BLTP3A: variants seen among roughly 807,000 people sequenced by gnomAD.
BLTP3A encodes ICBP90 binding protein 1.
At chr6:34,856,120 G>T in the BLTP3A span, 2 of 1,334,940 alleles carry the variant, frequency 1.5e-6, no homozygotes, top group Non-Finnish European at 1.0e-6. Flanking sequence ...TTATCCTAGA[G>T]ATTTCTGCAC....
At chr6:34,818,210 T>G in the BLTP3A span, among the ~76,000 whole-genome samples, 30 of 152,276 alleles carry the variant, frequency 2.0e-4, no homozygotes, top group Middle Eastern at 3.4e-3. Flanking sequence ...GGCTCACATC[T>G]GTAATGCCAG....
At chr6:34,856,345 T>C in the BLTP3A span, 2 of 1,614,148 alleles carry the variant, frequency 1.2e-6, no homozygotes, top group Admixed American at 1.7e-5. Context: ...AGAAGTGGCA[T>C]GAAGAGACGG....
chr6:34,816,596 G>A, the BLTP3A span, among the ~76,000 whole-genome samples: 1 of 152,154 alleles, frequency 6.6e-6, no homozygotes, highest in East Asian at 1.9e-4. Context: ...TTGGATGATA[G>A]AGTGAGACTG....
the BLTP3A span, chr6:34,859,697 A>C: frequency 1.4e-6 from 2 of 1,394,560 alleles, no homozygotes; most frequent in East Asian, 4.6e-5. Flanking sequence ...GAGAATGCAT[A>C]GAATGGCCTA....
the BLTP3A span, among the ~76,000 whole-genome samples, chr6:34,871,347 G>A: frequency 6.6e-6 from 1 of 152,142 alleles, no homozygotes; most frequent in Non-Finnish European, 1.5e-5. Flanking sequence ...AGGAGACCTT[G>A]TCTGTAACCC....
the BLTP3A span, among the ~76,000 whole-genome samples, chr6:34,844,416 A>T: frequency 6.6e-6 from 1 of 152,184 alleles, no homozygotes; most frequent in African/African-American, 2.4e-5. Context: ...CTGGGATTAC[A>T]GGCACTCGTG....
chr6:34,848,095 T>G, the BLTP3A span, among the ~76,000 whole-genome samples: 1 of 150,340 alleles, frequency 6.7e-6, no homozygotes, highest in Non-Finnish European at 1.5e-5. Flanking sequence ...AATTTTTTTT[T>G]TTTTTTGTAG....
the BLTP3A span, chr6:34,836,133 G>T: frequency 1.9e-6 from 3 of 1,607,156 alleles, no homozygotes; most frequent in South Asian, 2.2e-5. Flanking sequence ...TGGACTTCCT[G>T]TTTCTCTCTC....
At chr6:34,867,130 T>A in the BLTP3A span, 3 of 1,325,094 alleles carry the variant, frequency 2.3e-6, no homozygotes, top group Non-Finnish European at 3.0e-6. Flanking sequence ...GTCATAAGTA[T>A]TTTGTTTTAT....
At chr6:34,872,002 G>A in the BLTP3A span, 1 of 1,456,046 alleles carries the variant, frequency 6.9e-7, no homozygotes, top group Non-Finnish European at 9.4e-7. Context: ...CCCGGGGTTG[G>A]GGGGCAAAAA....
chr6:34,845,798 C>T, the BLTP3A span, among the ~76,000 whole-genome samples: 4 of 151,832 alleles, frequency 2.6e-5, no homozygotes, highest in Non-Finnish European at 5.9e-5. Flanking sequence ...GGGGTTTCAG[C>T]GTGTTAGCCA....
the BLTP3A span, among the ~76,000 whole-genome samples, chr6:34,814,048 G>A: frequency 1.4e-4 from 21 of 147,614 alleles, no homozygotes; most frequent in African/African-American, 3.5e-4. Flanking sequence ...ACAGAGTCTC[G>A]CTATGTCGCC....
At chr6:34,828,060 G>A in the BLTP3A span, among the ~76,000 whole-genome samples, 1 of 152,110 alleles carries the variant, frequency 6.6e-6, no homozygotes, top group Non-Finnish European at 1.5e-5. Context: ...CACATTATAT[G>A]TACTGTATAT....
chr6:34,874,798 T>C, the BLTP3A span: 1 of 152,238 alleles, frequency 6.6e-6, no homozygotes, highest in African/African-American at 2.4e-5. Flanking sequence ...AACAGCACTT[T>C]ATACAAAACC....
chr6:34,813,339 A>C, the BLTP3A span, among the ~76,000 whole-genome samples: 1 of 152,316 alleles, frequency 6.6e-6, no homozygotes, highest in African/African-American at 2.4e-5. Flanking sequence ...ATTTGGACTA[A>C]ACAATTATTT....
chr6:34,863,981 TTTG>T, the BLTP3A span: 28 of 1,567,626 alleles, frequency 1.8e-5, no homozygotes, highest in Middle Eastern at 1.8e-4. Flanking sequence ...ATTTGTGGTT[TTTG>T]TTTTTTTTTT....
chr6:34,836,309 G>T, the BLTP3A span: 1 of 1,614,040 alleles, frequency 6.2e-7, no homozygotes, highest in Non-Finnish European at 8.5e-7. Context: ...CTCCCGCCTG[G>T]ACCTGCACAT....
At chr6:34,801,641 A>G in the BLTP3A span, among the ~76,000 whole-genome samples, 1 of 152,220 alleles carries the variant, frequency 6.6e-6, no homozygotes, top group Non-Finnish European at 1.5e-5. Context: ...AATCCACTGT[A>G]TAGATTAAAT....
chr6:34,831,664 A>G, the BLTP3A span, among the ~76,000 whole-genome samples: 1 of 152,142 alleles, frequency 6.6e-6, no homozygotes, highest in African/African-American at 2.4e-5. Flanking sequence ...TGTTTGATGA[A>G]GGTAGGCATC....
Sources: gnomAD v4.1 joint callset for allele counts (sites outside exome capture counted in the v4.1 genomes callset) on GRCh38, gnomAD v4.1.1 for gene constraint, MANE v1.5 for transcripts, NCBI Gene and HGNC (gene_info 2026-07-23, HGNC 2026-07-21) for gene names.